Variants in RREB1 observed in about 807,000 individuals in gnomAD.
The protein encoded by RREB1 is ras-responsive element-binding protein 1.
A neutral mutation model predicts 117.8 loss-of-function variants in RREB1; 27 were observed. The observed-to-expected ratio is 0.23, with a 90% CI of 0.17 to 0.32. The LOEUF (loss-of-function observed/expected upper bound fraction) is 0.32. RREB1 is among the 10% of genes least tolerant of loss of function. The pLI is 1.00. For synonymous variants in RREB1, 1,298 were observed against 1,026.7 expected, an observed-to-expected ratio of 1.26 and a Z score of -5.05; for missense variants, 2,577 against 2,378.2, an observed-to-expected ratio of 1.08 and a Z score of -1.74.
intron 8 of RREB1, among the ~76,000 whole-genome samples, chr6:7,221,805 G>A (rs991910516): frequency 6.6e-6 from 1 of 152,230 alleles, no homozygotes; most frequent in African/African-American, 2.4e-5. Flanking sequence ...AAGGACGATT[G>A]TGAAGTTCTT....
At chr6:7,199,220 G>T (rs181786375) in intron 6 of RREB1, among the ~76,000 whole-genome samples, 24 of 152,314 alleles carry the variant, frequency 1.6e-4, no homozygotes, top group Admixed American at 1.2e-3. Context: ...GAATGGTCAA[G>T]AGCCTCAATT....
rs1767794039 is a variant in RREB1 at position 7,229,631 on chromosome 6, C to G, written c.1532C>G (p.Pro511Arg). The change falls in exon 10 of 13, where the codon CCC (proline) becomes CGC (arginine). Residue 511 changes from proline (P) to arginine (R), a missense_variant. By Grantham distance (103) the Pro-to-Arg change is moderately radical. Coordinates refer to ENST00000379938, the MANE Select transcript of RREB1 (RefSeq NM_001003699.4). The surrounding 1 kb of genome is among the most constrained non-coding windows in gnomAD (Gnocchi z 4.5). Reference sequence around the variant, plus strand: ...CACATGCCCCCTCTGAAGCCAAAGCCCCTGGTCACACCACGGACGGTGGTG... The same window carrying G: ...CACATGCCCCCTCTGAAGCCAAAGCGCCTGGTCACACCACGGACGGTGGTG... Reference protein sequence around the residue: ...FKHMPPLKPKPLVTPRTVVAT... With the variant: ...FKHMPPLKPKRLVTPRTVVAT... 1 of 1,613,222 alleles carries G rather than the reference C, an allele frequency of 6.2e-7. No individual in the cohort carries two copies. Among genetic ancestry groups the G allele is most frequent in the Non-Finnish European group, 8.5e-7 (1 of 1,179,734 alleles).
intron 2 of RREB1, among the ~76,000 whole-genome samples, chr6:7,179,212 A>T (rs921864239): frequency 2.6e-5 from 4 of 152,182 alleles, no homozygotes; most frequent in African/African-American, 9.7e-5. Context: ...CTGTTCCCAG[A>T]CTTGAGCAAA....
intron 1 of RREB1, among the ~76,000 whole-genome samples, chr6:7,167,991 T>C (rs1764034056): frequency 6.6e-6 from 1 of 151,998 alleles, no homozygotes; most frequent in Non-Finnish European, 1.5e-5. Context: ...CTGGGCACGG[T>C]GGTTCACGCC....
At chr6:7,136,519 G>A (rs903746939) in intron 1 of RREB1, among the ~76,000 whole-genome samples, 3 of 152,222 alleles carry the variant, frequency 2.0e-5, no homozygotes, top group East Asian at 3.9e-4. Flanking sequence ...CCAGCAACCC[G>A]CTATCCTCAG....
At chr6:7,209,430 T>C (rs1766458810) in intron 6 of RREB1, among the ~76,000 whole-genome samples, 1 of 152,222 alleles carries the variant, frequency 6.6e-6, no homozygotes. Context: ...TATTGAGGGA[T>C]GGTGTCCTCA....
chr6:7,173,914 C>CT (rs1764364233), intron 1 of RREB1, among the ~76,000 whole-genome samples: 1 of 152,324 alleles, frequency 6.6e-6, no homozygotes, highest in African/African-American at 2.4e-5. Flanking sequence ...CCTTAATCTT[C>CT]TGTTTCTGGC....
At chr6:7,154,689 C>G (rs1055082890) in intron 1 of RREB1, among the ~76,000 whole-genome samples, 1 of 152,198 alleles carries the variant, frequency 6.6e-6, no homozygotes, top group Admixed American at 6.5e-5. Context: ...AGGCCACTTA[C>G]CACTGCTGGC....
chr6:7,126,979 C>A (rs1164459312), intron 1 of RREB1, among the ~76,000 whole-genome samples: 1 of 152,084 alleles, frequency 6.6e-6, no homozygotes, highest in African/African-American at 2.4e-5. Flanking sequence ...CAGGGCTTGT[C>A]ATGTGGAGGA....
At chr6:7,190,674 T>C (rs1037143321) in intron 6 of RREB1, among the ~76,000 whole-genome samples, 5 of 152,206 alleles carry the variant, frequency 3.3e-5, no homozygotes, top group African/African-American at 4.8e-5. Context: ...TATTTTACAA[T>C]ACAATATTTT....
chr6:7,177,408 A>G (rs1218642908), intron 2 of RREB1, among the ~76,000 whole-genome samples: 2 of 149,520 alleles, frequency 1.3e-5, no homozygotes, highest in East Asian at 2.0e-4. Flanking sequence ...AATCCAGACC[A>G]TGTGTGTTAA....
intron 1 of RREB1, among the ~76,000 whole-genome samples, chr6:7,162,489 G>C (rs926375531): frequency 2.0e-5 from 3 of 152,002 alleles, no homozygotes; most frequent in Admixed American, 6.5e-5. Context: ...CATACTCCAG[G>C]TTCCCTGGAG....
chr6:7,205,698 T>C (rs368299599), intron 6 of RREB1, among the ~76,000 whole-genome samples: 8 of 152,310 alleles, frequency 5.3e-5, no homozygotes, highest in South Asian at 2.1e-4. Flanking sequence ...CTTTTAGGGA[T>C]TGGTCTGTCT....
At chr6:7,192,482 C>T (rs556292535) in intron 6 of RREB1, among the ~76,000 whole-genome samples, 34 of 152,122 alleles carry the variant, frequency 2.2e-4, no homozygotes, top group Admixed American at 2.0e-3. Context: ...TGAGAGCCAC[C>T]GCGCCTCACC....
chr6:7,113,342 C>T (rs1761241069), intron 1 of RREB1, among the ~76,000 whole-genome samples: 1 of 152,202 alleles, frequency 6.6e-6, no homozygotes, highest in African/African-American at 2.4e-5. Context: ...GGTATTTCAT[C>T]TCTTTCCCCC....
At position 7,247,020 on chromosome 6, in the gene RREB1, G is replaced by A. The variant is rs760706197; in HGVS notation, c.4570G>A (p.Glu1524Lys). 1.9e-6 allele frequency: 3 copies of A among 1,610,170 alleles called. No individual in the cohort carries two copies. Among genetic ancestry groups the A allele is most frequent in the Middle Eastern group, 1.7e-4 (1 of 6,040 alleles). ...GGAGGCCCCGGCGGAAAAGCTCGCG[G>A]AGGAGACGGAGGGCCCCTCCGACGG... ...AGEAPAEKLA[E>K]ETEGPSDGES... The change falls in exon 12 of 13, where the codon GAG becomes AAG. Residue 1524 changes from glutamate to lysine, a missense_variant. Glu to Lys is a moderately conservative substitution (Grantham distance 56). Coordinates refer to ENST00000379938, the MANE Select transcript of RREB1 (RefSeq NM_001003699.4).
At chr6:7,233,184 C>A (rs1768107982) in intron 10 of RREB1, among the ~76,000 whole-genome samples, 1 of 152,246 alleles carries the variant, frequency 6.6e-6, no homozygotes, top group Admixed American at 6.5e-5. Flanking sequence ...GCGTGAGTCA[C>A]TGCACCTGGC....
intron 11 of RREB1, 39 bp from the exon 12 acceptor site, chr6:7,246,385 G>T (rs1171817767): frequency 2.1e-6 from 3 of 1,432,038 alleles, no homozygotes; most frequent in Non-Finnish European, 2.7e-6. Flanking sequence ...GTACCTGGTG[G>T]TGCCCCTCTG....
Position 7,231,497 on chromosome 6 carries a change from C to T in RREB1, c.3398C>T (p.Ala1133Val), listed in dbSNP as rs1356098000. 10 of 1,610,862 alleles carry T rather than the reference C, an allele frequency of 6.2e-6. No homozygotes were observed. The highest frequency in any genetic ancestry group is 1.1e-5 in the South Asian group (1 of 90,936). The change falls in exon 10 of 13, where the codon GCC becomes GTC. Residue 1133 changes from alanine to valine, a missense_variant. Ala to Val is a moderately conservative substitution (Grantham distance 64, BLOSUM62 0). Coordinates refer to ENST00000379938, the MANE Select transcript of RREB1 (RefSeq NM_001003699.4). ...PKESSEPPAP[A>V]SSPEAASPTE... ...GAGTCTAGTGAGCCTCCCGCTCCAG[C>T]CAGCAGCCCAGAGGCTGCCTCTCCC... is the stretch of plus-strand genomic sequence containing the variant.
Sources: allele counts gnomAD v4.1 joint callset (sites outside exome capture counted in the v4.1 genomes callset), GRCh38; gene constraint gnomAD v4.1.1; non-coding constraint Gnocchi (gnomAD v3.1); transcripts MANE v1.5; gene names NCBI Gene and HGNC (gene_info 2026-07-23, HGNC 2026-07-21).